The following STXBP6 variants were observed in gnomAD, a reference collection of about 807,000 sequenced individuals.
The protein encoded by STXBP6 is syntaxin-binding protein 6.
A neutral mutation model predicts 26.9 loss-of-function variants in STXBP6; 21 were observed. The observed-to-expected ratio is 0.78, with a 90% CI of 0.55 to 1.12. The LOEUF (loss-of-function observed/expected upper bound fraction) is 1.12, where lower values mean the gene tolerates loss of function less well. STXBP6 is among the 50% of genes most tolerant of loss of function. STXBP6 has a pLI of 0.00. For missense variants in STXBP6, 232 were observed against 257.9 expected, an observed-to-expected ratio of 0.90 and a Z score of 0.69; for synonymous variants, 97 against 92.6, an observed-to-expected ratio of 1.05 and a Z score of -0.27.
In STXBP6 at chr14:24,810,863, C is replaced by CTGTGTGTGTG. The variant is rs1344421641; in HGVS notation, c.*1845_*1846insCACACACACA. The CTGTGTGTGTG allele has an allele frequency of 4.4e-4, 11 of 24,762 alleles. No individual in the cohort carries two copies. The highest frequency in any genetic ancestry group is 3.7e-3 in the East Asian group (2 of 538). The allele number at this position is 24,762 out of a possible 1,614,324, so 1.5% of individuals were successfully genotyped here. A position where few individuals can be genotyped will look rare whatever the true frequency, so the allele number is the denominator to read the frequency against. The stretch of plus-strand genomic sequence containing the variant: ...ATCCAATTTGGAAAGATAAATACAT[C>CTGTGTGTGTG]TCTGTGTGTGTGTGTGTGTGTGTGT... On this transcript the variant is annotated 3_prime_UTR_variant, in exon 6 of 6. Transcript: ENST00000323944.
chr14:24,858,752 T>C (rs2069429652), intron 2 of STXBP6, among the ~76,000 whole-genome samples: 1 of 152,124 alleles, frequency 6.6e-6, no homozygotes, highest in South Asian at 2.1e-4. Context: ...CTCTGATGGC[T>C]GTGACCTGCT....
At chr14:24,999,511 A>G (rs1309234141) in intron 1 of STXBP6, among the ~76,000 whole-genome samples, 3 of 152,238 alleles carry the variant, frequency 2.0e-5, no homozygotes, top group Admixed American at 2.0e-4. Context: ...GCTCTAAAGA[A>G]GCTCACAGAT....
At chr14:24,997,823 T>A (rs2074644837) in intron 1 of STXBP6, among the ~76,000 whole-genome samples, 1 of 152,130 alleles carries the variant, frequency 6.6e-6, no homozygotes, top group African/African-American at 2.4e-5. Context: ...CATTATTAAG[T>A]ACAACTTTTC....
intron 4 of STXBP6, among the ~76,000 whole-genome samples, chr14:24,833,589 A>G (rs1369576534): frequency 1.3e-5 from 2 of 152,192 alleles, no homozygotes; most frequent in African/African-American, 4.8e-5. Flanking sequence ...GTTACTATTT[A>G]TACCTAAATC....
chr14:24,859,669 A>G (rs1007533479), intron 2 of STXBP6, among the ~76,000 whole-genome samples: 9 of 152,144 alleles, frequency 5.9e-5, no homozygotes, highest in Middle Eastern at 3.2e-3. Flanking sequence ...ACCCTGGAAA[A>G]TGCAACCAAA....
intron 2 of STXBP6, among the ~76,000 whole-genome samples, chr14:24,927,721 T>A (rs2072229121): frequency 6.6e-6 from 1 of 152,246 alleles, no homozygotes; most frequent in African/African-American, 2.4e-5. Flanking sequence ...TCAAGTGACA[T>A]TAGCAGAAAT....
At chr14:24,871,381 G>T (rs568846013) in intron 2 of STXBP6, among the ~76,000 whole-genome samples, 3 of 152,144 alleles carry the variant, frequency 2.0e-5, no homozygotes. Flanking sequence ...TGGCACTGAG[G>T]AAGAAAAGAT....
chr14:24,971,636 T>TAATG (rs2073909425), intron 2 of STXBP6, among the ~76,000 whole-genome samples: 1 of 152,222 alleles, frequency 6.6e-6, no homozygotes, highest in African/African-American at 2.4e-5. Flanking sequence ...CTTAGTTTTT[T>TAATG]AATGAACCTG....
At chr14:24,887,247 A>AT (rs879592094) in intron 2 of STXBP6, among the ~76,000 whole-genome samples, 57 of 152,056 alleles carry the variant, frequency 3.7e-4, no homozygotes, top group African/African-American at 1.3e-3. Flanking sequence ...ATTCATCCTT[A>AT]TTTTTTTTCC....
chr14:24,945,849 T>C (rs563008981), intron 2 of STXBP6, among the ~76,000 whole-genome samples: 33 of 152,262 alleles, frequency 2.2e-4, no homozygotes, highest in Non-Finnish European at 4.3e-4. Flanking sequence ...AACTATAAGC[T>C]AATAAACTTT....
chr14:24,814,143 T>C (rs2067901931), intron 5 of STXBP6, among the ~76,000 whole-genome samples: 1 of 152,224 alleles, frequency 6.6e-6, no homozygotes, highest in South Asian at 2.1e-4. Flanking sequence ...GCTGTCCTGC[T>C]GAGTGATGTG....
Position 24,998,388 on chromosome 14 carries a change from C to T in STXBP6, c.-32-23538G>A, listed in dbSNP as rs75891508. Among the ~76,000 whole-genome samples, 1,104 of 152,230 alleles carry T rather than the reference C, an allele frequency of 7.3e-3. 10 individuals carry two copies. The highest frequency in any genetic ancestry group is 0.026 in the African/African-American group (1,060 of 41,536). Reference sequence around the variant, plus strand: ...TATGCATTAATTAGAGATGAAAAGTCTGAACTTCGGTGTTTTTGTTTACTG... The same window carrying T: ...TATGCATTAATTAGAGATGAAAAGTTTGAACTTCGGTGTTTTTGTTTACTG... On this transcript the variant is annotated intron_variant, in intron 1 of 5. Coordinates refer to ENST00000323944, the MANE Select transcript of STXBP6 (RefSeq NM_001394410.1).
In STXBP6 at chr14:24,902,916, G is replaced by C. The variant is rs556014838; in HGVS notation, c.155-45759C>G. ...TGGGTTAAATCTCTATATACAACAG[G>C]TGATCCATAGAATTTTACCAAGGAC... On this transcript the variant is annotated intron_variant, in intron 2 of 5. Transcript: ENST00000323944. 1.4e-4 allele frequency among the ~76,000 whole-genome samples: 22 copies of C among 152,154 alleles called. 1 individual carries two copies. The South Asian group carries it at 4.4e-3, about 30-fold the overall frequency.
chr14:25,030,658 C>A (rs1319848796), intron 1 of STXBP6, among the ~76,000 whole-genome samples: 1 of 152,110 alleles, frequency 6.6e-6, no homozygotes. Context: ...TCTTCAATAT[C>A]CACCTAAACA....
chr14:24,986,555 G>T lies in STXBP6; in HGVS notation c.-32-11705C>A, dbSNP rs61978836. Among the ~76,000 whole-genome samples, 754 of 152,294 alleles carry T rather than the reference G, an allele frequency of 5.0e-3. 10 individuals are homozygous for T. The highest frequency in any genetic ancestry group is 5.5e-3 in the Non-Finnish European group (371 of 68,032). ...GATCAGCTGTTGACAGGGTTTCTCA[G>T]TACCTATTCCAGGCCCTGGTAAACA... On this transcript the variant is annotated intron_variant, in intron 1 of 5. Transcript: ENST00000323944.
In STXBP6 at chr14:25,034,890, C is replaced by T. The variant is rs139996103; in HGVS notation, c.-33+14988G>A. The stretch of plus-strand genomic sequence containing the variant: ...TCTTGGCCGGGTGTGGTGGCTCACA[C>T]CTATAATCCCAGCACTTTGGGAGGC... On this transcript the variant is annotated intron_variant, in intron 1 of 5. Coordinates refer to ENST00000323944, the MANE Select transcript of STXBP6 (RefSeq NM_001394410.1). Among the ~76,000 whole-genome samples, 686 of 152,198 alleles carry T rather than the reference C, an allele frequency of 4.5e-3. 4 individuals carry two copies. Among genetic ancestry groups the T allele is most frequent in the African/African-American group, 0.015 (614 of 41,536 alleles).
chr14:24,946,311 T>C (rs750241883), intron 2 of STXBP6, among the ~76,000 whole-genome samples: 14 of 152,190 alleles, frequency 9.2e-5, no homozygotes, highest in Non-Finnish European at 1.8e-4. Flanking sequence ...ATCATAGCAT[T>C]GAGAATGTAG....
At chr14:25,027,293 GGTC>G in intron 1 of STXBP6, among the ~76,000 whole-genome samples, 1 of 151,742 alleles carries the variant, frequency 6.6e-6, no homozygotes, top group South Asian at 2.1e-4. Flanking sequence ...CATGTCTCTG[GGTC>G]ACATTTTGAT....
chr14:24,862,172 T>TAA (rs199793448), intron 2 of STXBP6, among the ~76,000 whole-genome samples: 2 of 151,942 alleles, frequency 1.3e-5, no homozygotes, highest in Non-Finnish European at 2.9e-5. Flanking sequence ...AGCTAACTTT[T>TAA]ATTTTTTTTG....
Sources: allele counts gnomAD v4.1 joint callset (sites outside exome capture counted in the v4.1 genomes callset), GRCh38; gene constraint gnomAD v4.1.1; transcripts MANE v1.5; gene names NCBI Gene and HGNC (gene_info 2026-07-23, HGNC 2026-07-21).